The following BCL11A variants were observed in gnomAD, a reference collection of about 807,000 sequenced individuals.
BCL11A encodes the protein B cell CLL/lymphoma 11A.
BCL11A carries 2 observed loss-of-function variants against 55.9 expected under a neutral mutation model. The observed-to-expected ratio is 0.04, with a 90% CI of 0.01 to 0.11. The LOEUF (loss-of-function observed/expected upper bound fraction) is 0.11, where lower values mean the gene tolerates loss of function less well. BCL11A is among the 10% of genes least tolerant of loss of function. The pLI, the probability that BCL11A is intolerant of heterozygous loss-of-function variation, is 1.00. For synonymous variants in BCL11A, 465 were observed against 473.4 expected, an observed-to-expected ratio of 0.98 and a Z score of 0.23; for missense variants, 817 against 1,137.1, an observed-to-expected ratio of 0.72 and a Z score of 4.05.
chr2:60,458,831 C>G lies in BCL11A; in HGVS notation c.*1573G>C. The G allele has an allele frequency of 9.7e-7, 1 of 1,029,632 alleles. No individual in the cohort carries two copies. The highest frequency in any genetic ancestry group is 1.2e-6 in the Non-Finnish European group (1 of 855,406). The allele number at this position is 1,029,632 out of a possible 1,614,324, so 63.8% of individuals were successfully genotyped here. A position where few individuals can be genotyped will look rare whatever the true frequency, so the allele number is the denominator to read the frequency against. Reference sequence around the variant, plus strand: ...GAGTCAAGTGCTATTTGAACACCAACTGGGGCAGATGCTAGCTTAATAAAA... The same window carrying G: ...GAGTCAAGTGCTATTTGAACACCAAGTGGGGCAGATGCTAGCTTAATAAAA... On this transcript the variant is annotated 3_prime_UTR_variant, in exon 4 of 4. Transcript: ENST00000642384.
chr2:60,499,058 C>T (rs1264030526), intron 2 of BCL11A, among the ~76,000 whole-genome samples: 1 of 152,228 alleles, frequency 6.6e-6, no homozygotes, highest in Admixed American at 6.5e-5. Flanking sequence ...AAGAATGCTA[C>T]AGCTACAGTC....
At chr2:60,516,928 T>C (rs920725910) in intron 2 of BCL11A, among the ~76,000 whole-genome samples, 6 of 152,100 alleles carry the variant, frequency 3.9e-5, no homozygotes, top group Admixed American at 2.6e-4. Flanking sequence ...AATAAATGGG[T>C]TACAAGATAA....
At position 60,460,120 on chromosome 2, in the gene BCL11A, T is replaced by C; in HGVS notation, c.*284A>G. On this transcript the variant is annotated 3_prime_UTR_variant, in exon 4 of 4. Coordinates refer to ENST00000642384, the MANE Select transcript of BCL11A (RefSeq NM_022893.4). ...GGCTCAAAGTTTGCGTAAAATGCAA[T>C]AGTATTGCCCCATACAGATCATGCA... The C allele has an allele frequency of 8.9e-7, 1 of 1,120,438 alleles. No individual in the cohort carries two copies. Among genetic ancestry groups the C allele is most frequent in the Non-Finnish European group, 1.1e-6 (1 of 927,142 alleles). 69.4% of individuals were successfully genotyped at this position (1,120,438 alleles called of 1,614,324 possible).
At chr2:60,512,628 T>C (rs566370994) in intron 2 of BCL11A, among the ~76,000 whole-genome samples, 12 of 152,254 alleles carry the variant, frequency 7.9e-5, no homozygotes, top group Middle Eastern at 3.4e-3. Context: ...AGCTCTAAAT[T>C]ATTTGGTCTA....
At chr2:60,512,554 A>C (rs1558656715) in intron 2 of BCL11A, among the ~76,000 whole-genome samples, 1 of 152,234 alleles carries the variant, frequency 6.6e-6, no homozygotes, top group South Asian at 2.1e-4. Context: ...CAGAGAGTAC[A>C]TGCTCAACAA....
chr2:60,491,609 T>C (rs1487354235), intron 2 of BCL11A, among the ~76,000 whole-genome samples: 2 of 148,834 alleles, frequency 1.3e-5, no homozygotes, highest in Admixed American at 1.4e-4. Flanking sequence ...AGGCAGAAGA[T>C]GCAGTGAGCC....
At chr2:60,468,567 G>A (rs1231328088) in intron 3 of BCL11A, among the ~76,000 whole-genome samples, 165 bp downstream of exon 3, 1 of 152,178 alleles carries the variant, frequency 6.6e-6, no homozygotes, top group African/African-American at 2.4e-5. Context: ...AGTCCCTCTG[G>A]GGCTGAGTGG....
rs113017343 is a variant in BCL11A at position 60,468,679 on chromosome 2, A to G, written c.487+53T>C. 5.8e-6 allele frequency: 8 copies of G among 1,375,986 alleles called. No homozygotes were observed. The African/African-American group carries it at 1.2e-4, about 20-fold the overall frequency. 85.2% of individuals were successfully genotyped at this position (1,375,986 alleles called of 1,614,324 possible). A position where few individuals can be genotyped will look rare whatever the true frequency, so the allele number is the denominator to read the frequency against. ...TAAAAAGTAAGGGCAATTTCCAGAA[A>G]TTCTCATCTCTATACACATGGACAT... On this transcript the variant is annotated intron_variant, in intron 3 of 3. Transcript: ENST00000642384.
chr2:60,519,539 T>TTGCC (rs3028029), intron 2 of BCL11A, among the ~76,000 whole-genome samples: 68,861 of 147,490 alleles, frequency 0.47, 16,332 homozygotes, highest in East Asian at 0.75. Flanking sequence ...AGGTCCTCAC[T>TTGCC]TGCCTGCCTG....
downstream of BCL11A, among the ~76,000 whole-genome samples, chr2:60,453,446 A>G (rs1675808136): frequency 6.6e-6 from 1 of 152,186 alleles, no homozygotes; most frequent in Non-Finnish European, 1.5e-5. Flanking sequence ...GGCGACCCGA[A>G]GCAGGGGCCT....
At chr2:60,494,764 C>T (rs1283986601) in intron 2 of BCL11A, among the ~76,000 whole-genome samples, 2 of 152,144 alleles carry the variant, frequency 1.3e-5, no homozygotes, top group African/African-American at 2.4e-5. Flanking sequence ...GTAAGTGCTC[C>T]GAGCTTGTGA....
intron 3 of BCL11A, among the ~76,000 whole-genome samples, chr2:60,467,323 GGTGGTGGT>G (rs1676763277): frequency 1.1e-5 from 1 of 91,978 alleles, no homozygotes; most frequent in Non-Finnish European, 2.2e-5. Flanking sequence ...TGATGGTGGT[GGTGGTGGT>G]AGTGATGGTG....
intron 2 of BCL11A, among the ~76,000 whole-genome samples, chr2:60,514,306 C>G (rs992810937): frequency 1.4e-4 from 21 of 152,134 alleles, no homozygotes; most frequent in Non-Finnish European, 2.8e-4. Flanking sequence ...GCCATGAGCC[C>G]TACCAGGCAA....
intron 2 of BCL11A, among the ~76,000 whole-genome samples, chr2:60,498,075 G>C (rs1186374369): frequency 1.3e-5 from 2 of 151,896 alleles, no homozygotes. Context: ...TCTCTTTGGG[G>C]GAGGACATCA....
At chr2:60,523,730 T>A (rs1319509762) in intron 2 of BCL11A, among the ~76,000 whole-genome samples, 1 of 152,150 alleles carries the variant, frequency 6.6e-6, no homozygotes, top group African/African-American at 2.4e-5. Flanking sequence ...AATCATTCAT[T>A]GCCAGGCAAA....
intron 1 of BCL11A, among the ~76,000 whole-genome samples, chr2:60,549,311 G>T (rs1400247499): frequency 6.6e-6 from 1 of 152,196 alleles, no homozygotes; most frequent in Non-Finnish European, 1.5e-5. Flanking sequence ...CGAGCAAAAC[G>T]AGAGCTGCCG....
chr2:60,530,088 A>C (rs1461916742), intron 2 of BCL11A, among the ~76,000 whole-genome samples: 2 of 152,172 alleles, frequency 1.3e-5, no homozygotes, highest in African/African-American at 4.8e-5. Context: ...TAATGTCACA[A>C]TAAACTAAAA....
rs111601055 is a variant in BCL11A, at chr2:60,488,590, A to G, written c.386-19757T>C. Among the ~76,000 whole-genome samples, 220 of 152,338 alleles carry G rather than the reference A, an allele frequency of 1.4e-3. 1 individual carries two copies. Among genetic ancestry groups the G allele is most frequent in the African/African-American group, 4.6e-3 (191 of 41,580 alleles). On this transcript the variant is annotated intron_variant, in intron 2 of 3. Transcript: ENST00000642384. ...GGCTGTAAATAGTTTGCTTCCCCCA[A>G]TGAAAGAAAATACTTACTGTACTGC... is the stretch of plus-strand genomic sequence containing the variant.
chr2:60,492,587 G>A (rs1440322700), intron 2 of BCL11A, among the ~76,000 whole-genome samples: 2 of 150,820 alleles, frequency 1.3e-5, no homozygotes, highest in Non-Finnish European at 1.5e-5. Flanking sequence ...CTCTGCTTAT[G>A]GTGGATAACC....
Sources: gnomAD v4.1 joint callset for allele counts (sites outside exome capture counted in the v4.1 genomes callset) on GRCh38, gnomAD v4.1.1 for gene constraint, MANE v1.5 for transcripts, NCBI Gene and HGNC (gene_info 2026-07-23, HGNC 2026-07-21) for gene names.